The following IMPDH2 variants were observed in gnomAD, a reference collection of about 807,000 sequenced individuals.
The protein encoded by IMPDH2 is inosine monophosphate dehydrogenase 2, also known as inosine-5'-monophosphate dehydrogenase 2.
A neutral mutation model predicts 57.8 loss-of-function variants in IMPDH2; 33 were observed. That is an observed-to-expected ratio of 0.57 (90% CI 0.43 to 0.76). The LOEUF (loss-of-function observed/expected upper bound fraction) is 0.76, where lower values mean the gene tolerates loss of function less well. Ranked by LOEUF, IMPDH2 falls within the 30% of genes least tolerant of loss-of-function variation. The pLI is 0.00. For synonymous variants in IMPDH2, 270 were observed against 241.3 expected (o/e 1.12, Z -1.10); for missense variants, 446 against 659.1 (o/e 0.68, Z 3.54).
In IMPDH2 at chr3:49,026,539, A is replaced by T; in HGVS notation, c.890T>A (p.Leu297His). 2 of 1,613,626 alleles carry T rather than the reference A, an allele frequency of 1.2e-6. No homozygotes were observed. Among genetic ancestry groups the T allele is most frequent in the Non-Finnish European group, 1.7e-6 (2 of 1,179,538 alleles). ...IKYIKDKYPN[L>H]QVIGGNVVTA... Reference sequence around the variant, plus strand: ...CTTACCATTGCCTCCAATGACTTGGAGATTAGGGTATTTGTCTTTGATGTA... The same window carrying T: ...CTTACCATTGCCTCCAATGACTTGGTGATTAGGGTATTTGTCTTTGATGTA... The change falls in exon 8 of 14, where the codon CTC becomes CAC. Residue 297 changes from leucine to histidine, a missense_variant. Transcript: ENST00000326739.
rs772087615 is a variant in IMPDH2 at position 49,026,627 on chromosome 3, T to A, written c.820-18A>T. Reference sequence around the variant, plus strand: ...GAAGAGTCCTAGGACAAGAAGTAAGTCTCAGACTGTGATGTGGCAGCTGCC... The same window carrying A: ...GAAGAGTCCTAGGACAAGAAGTAAGACTCAGACTGTGATGTGGCAGCTGCC... On this transcript the variant is annotated intron_variant, in intron 7 of 13. Coordinates refer to ENST00000326739, the MANE Select transcript of IMPDH2 (RefSeq NM_000884.3). 3.1e-6 allele frequency: 5 copies of A among 1,612,098 alleles called. No homozygotes were observed. In the African/African-American group the frequency reaches 6.7e-5, roughly 22 times the overall value.
Position 49,028,755 on chromosome 3 carries a change from C to T in IMPDH2, c.147+3G>A, listed in dbSNP as rs200971263. Reference sequence around the variant, plus strand: ...TCAGGACCCAATTCCTGATCATACTCACCACCTGGTCTGCAGTGAAGTCGA... The same window carrying T: ...TCAGGACCCAATTCCTGATCATACTTACCACCTGGTCTGCAGTGAAGTCGA... On this transcript the variant is annotated splice_donor_region_variant and intron_variant, in intron 2 of 13. Transcript: ENST00000326739. 9.9e-6 allele frequency: 16 copies of T among 1,612,490 alleles called. No homozygotes were observed. The highest frequency in any genetic ancestry group is 1.2e-5 in the Non-Finnish European group (14 of 1,178,472).
At chr3:49,028,119 G>A (rs1228456513) in intron 4 of IMPDH2, 129 bp downstream of exon 4, 1 of 868,278 alleles carries the variant, frequency 1.2e-6, no homozygotes, top group African/African-American at 1.7e-5. Flanking sequence ...AGAATCTCAG[G>A]GTCTTCTCAG....
chr3:49,028,749 C>G lies in IMPDH2; in HGVS notation c.147+9G>C. ...TGATGTTCAGGACCCAATTCCTGAT[C>G]ATACTCACCACCTGGTCTGCAGTGA... On this transcript the variant is annotated intron_variant, in intron 2 of 13. Coordinates refer to ENST00000326739, the MANE Select transcript of IMPDH2 (RefSeq NM_000884.3). 1 of 1,611,382 alleles carries G rather than the reference C, an allele frequency of 6.2e-7. No homozygotes were observed. Among genetic ancestry groups the G allele is most frequent in the Non-Finnish European group, 8.5e-7 (1 of 1,177,492 alleles).
intron 9 of IMPDH2, 68 bp downstream of exon 9, chr3:49,026,256 G>A (rs1361582978): frequency 4.3e-6 from 5 of 1,176,334 alleles, no homozygotes; most frequent in South Asian, 1.3e-5. Context: ...CCATAAGAGT[G>A]CTTGGTTCCA....
Position 49,024,619 on chromosome 3 carries a change from G to A in IMPDH2, c.1439+40C>T, listed in dbSNP as rs1424758999. 1.9e-6 allele frequency: 3 copies of A among 1,614,142 alleles called. No homozygotes were observed. In the South Asian group the frequency reaches 3.3e-5, roughly 18 times the overall value. ...GGTCAAATGTGGGTAGCTGGCCCTG[G>A]ACCAGCCCCTCTACCCATGTCCCAG... On this transcript the variant is annotated intron_variant, in intron 12 of 13. Coordinates refer to ENST00000326739, the MANE Select transcript of IMPDH2 (RefSeq NM_000884.3).
At chr3:49,029,207 G>A (rs1236715692) in intron 1 of IMPDH2, 46 bp downstream of exon 1, 14 of 1,470,946 alleles carry the variant, frequency 9.5e-6, no homozygotes, top group Non-Finnish European at 1.3e-5. Flanking sequence ...CTTTTCCCCA[G>A]GGTGCCGCCC....
chr3:49,025,231 T>C lies in IMPDH2; in HGVS notation c.1045A>G (p.Lys349Glu). The part of the protein sequence containing the change: ...CGRPQATAVY[K>E]VSEYARRFGV... ...AAGCGCCGTGCATACTCTGACACCT[T>C]GTACACTGCTGTTGCTTGGGGCCGC... Residue 349 changes from lysine (K) to glutamate (E), a missense_variant, in exon 10 of 14, where the codon AAG (lysine) becomes GAG (glutamate). Transcript: ENST00000326739. 1.2e-6 allele frequency: 2 copies of C among 1,614,228 alleles called. No homozygotes were observed. Among genetic ancestry groups the C allele is most frequent in the Non-Finnish European group, 1.7e-6 (2 of 1,180,034 alleles).
chr3:49,029,063 C>G (rs949554630), intron 1 of IMPDH2, 190 bp downstream of exon 1: 1 of 657,152 alleles, frequency 1.5e-6, no homozygotes, highest in Non-Finnish European at 2.8e-6. Context: ...ATTCCAAGCA[C>G]TACTGAGATG....
chr3:49,024,780 C>G lies in IMPDH2; in HGVS notation c.1318G>C (p.Ala440Pro). The change falls in exon 12 of 14, where the codon GCC (alanine) becomes CCC (proline). Residue 440 changes from alanine to proline, a missense_variant. Physicochemically the swap from Ala to Pro is conservative, Grantham distance 27. Coordinates refer to ENST00000326739, the MANE Select transcript of IMPDH2 (RefSeq NM_000884.3). Reference protein sequence around the residue: ...YFSEADKIKVAQGVSGAVQDK... With the variant: ...YFSEADKIKVPQGVSGAVQDK... ...TGCACAGCACCAGACACTCCCTGGG[C>G]CACTTTGATTTTGTCAGCTTCACTG... 1 of 1,614,156 alleles carries G rather than the reference C, an allele frequency of 6.2e-7. No homozygotes were observed. Among genetic ancestry groups the G allele is most frequent in the Non-Finnish European group, 8.5e-7 (1 of 1,180,024 alleles).
chr3:49,027,690 A>C lies in IMPDH2; in HGVS notation c.531+20T>G, dbSNP rs774499194. On this transcript the variant is annotated intron_variant, in intron 5 of 13. Coordinates refer to ENST00000326739, the MANE Select transcript of IMPDH2 (RefSeq NM_000884.3). ...ACCTGGGCTGCTAGAGCTTGGATCT[A>C]CTCTGCCAGTGGCACCCACCTCTTC... is the stretch of plus-strand genomic sequence containing the variant. The C allele has an allele frequency of 6.2e-7, 1 of 1,606,318 alleles. No homozygotes were observed. Among genetic ancestry groups the C allele is most frequent in the Non-Finnish European group, 8.5e-7 (1 of 1,172,992 alleles).
chr3:49,028,289 A>C lies in IMPDH2; in HGVS notation c.283T>G (p.Cys95Gly), dbSNP rs758942412. Residue 95 changes from cysteine to glycine, a missense_variant, in exon 4 of 14, where the codon TGT becomes GGT. Physicochemically the swap from Cys to Gly is radical, Grantham distance 159. Coordinates refer to ENST00000326739, the MANE Select transcript of IMPDH2 (RefSeq NM_000884.3). ...TGGIGFIHHNCTPEFQANEVR... is the reference protein window; with the variant it reads ...TGGIGFIHHNGTPEFQANEVR... Reference sequence around the variant, plus strand: ...TCATTGGCCTGGAATTCAGGTGTACAGTTGTGGTGGATGAAGCCAATACCG... The same window carrying C: ...TCATTGGCCTGGAATTCAGGTGTACCGTTGTGGTGGATGAAGCCAATACCG... 1.9e-6 allele frequency: 3 copies of C among 1,614,168 alleles called. No individual in the cohort carries two copies. Among genetic ancestry groups the C allele is most frequent in the Non-Finnish European group, 2.5e-6 (3 of 1,180,028 alleles).
At chr3:49,026,653 C>G in intron 7 of IMPDH2, 34 bp downstream of exon 7, 4 of 1,612,122 alleles carry the variant, frequency 2.5e-6, no homozygotes, top group East Asian at 2.2e-5. Context: ...GGCAGCTGCC[C>G]CTATTGCCCC....
At position 49,026,716 on chromosome 3, in the gene IMPDH2, C is replaced by T. The variant is rs370664735; in HGVS notation, c.790G>A (p.Ala264Thr). ...EDDKYRLDLL[A>T]QAGVDVVVLD... ...ACCACTACATCCACACCAGCCTGGG[C>T]GAGCAAGTCCAGCCTATACTTGTCA... The change falls in exon 7 of 14, where the codon GCC becomes ACC. Residue 264 changes from alanine (A) to threonine (T), a missense_variant. Transcript: ENST00000326739. The T allele has an allele frequency of 1.1e-5, 18 of 1,614,218 alleles. No homozygotes were observed. The highest frequency in any genetic ancestry group is 6.6e-5 in the South Asian group (6 of 91,084).
Position 49,028,590 on chromosome 3 carries a change from C to T in IMPDH2, c.148-58G>A, listed in dbSNP as rs986300042. On this transcript the variant is annotated intron_variant, in intron 2 of 13. Coordinates refer to ENST00000326739, the MANE Select transcript of IMPDH2 (RefSeq NM_000884.3). The stretch of plus-strand genomic sequence containing the variant: ...GCATCCCTTACACCTCAAGGTGTTA[C>T]TGAGTCCCCCACAAAAAGGCACTTT... 15 of 1,438,676 alleles carry T rather than the reference C, an allele frequency of 1.0e-5. No homozygotes were observed. The African/African-American group carries it at 1.3e-4, about 12-fold the overall frequency. 89.1% of individuals were successfully genotyped at this position (1,438,676 alleles called of 1,614,324 possible).
At chr3:49,028,219 C>T (rs768953138) in intron 4 of IMPDH2, 29 bp downstream of exon 4, 6 of 1,584,572 alleles carry the variant, frequency 3.8e-6, no homozygotes, top group Admixed American at 1.7e-5. Context: ...TTCCCAGGAG[C>T]GCTTGCTAAT....
At chr3:49,026,262 T>C in intron 9 of IMPDH2, 62 bp downstream of exon 9, 1 of 1,249,644 alleles carries the variant, frequency 8.0e-7, no homozygotes, top group South Asian at 1.3e-5. Context: ...GAGTGCTTGG[T>C]TCCAAGGTAT....
intron 3 of IMPDH2, 28 bp from the exon 4 acceptor site, chr3:49,028,350 A>AG: frequency 6.2e-7 from 1 of 1,611,070 alleles, no homozygotes; most frequent in Non-Finnish European, 8.5e-7. Context: ...ACTACTACTA[A>AG]GTGACAAGAA....
intron 9 of IMPDH2, chr3:49,026,097 G>A (rs2106785103): frequency 1.5e-6 from 1 of 657,364 alleles, no homozygotes; most frequent in Non-Finnish European, 2.8e-6. Context: ...AGAGTTTAGA[G>A]AAGGTGCAGA....
Sources: allele counts gnomAD v4.1 joint callset, GRCh38; gene constraint gnomAD v4.1.1; transcripts MANE v1.5; gene names NCBI Gene and HGNC (gene_info 2026-07-23, HGNC 2026-07-21).